The following RCAN2 variants were observed in gnomAD, a reference collection of about 807,000 sequenced individuals.
RCAN2 encodes the protein calcipressin-2.
RCAN2 carries 9 observed loss-of-function variants against 23.6 expected under a neutral mutation model. That is an observed-to-expected ratio of 0.38 (90% confidence interval 0.23 to 0.67). RCAN2 has a LOEUF of 0.67. Ranked by LOEUF, RCAN2 falls within the 30% of genes least tolerant of loss-of-function variation. The probability of loss-of-function intolerance (pLI) is 0.51; values close to 1 mark genes in which losing one functional copy is unlikely to be tolerated. For synonymous variants in RCAN2, 109 were observed against 115.7 expected (o/e 0.94, Z 0.37); for missense variants, 273 against 302.3 (o/e 0.90, Z 0.72).
At chr6:46,476,213 G>C (rs1768709458) in intron 1 of RCAN2, among the ~76,000 whole-genome samples, 1 of 152,164 alleles carries the variant, frequency 6.6e-6, no homozygotes, top group East Asian at 1.9e-4. Context: ...TAGCACAGCA[G>C]AATCAGAACG....
chr6:46,408,437 T>A (rs1375750671), intron 2 of RCAN2, among the ~76,000 whole-genome samples: 1 of 152,178 alleles, frequency 6.6e-6, no homozygotes, highest in African/African-American at 2.4e-5. Context: ...CTTCTCTATA[T>A]TGCAAAAGAA....
At chr6:46,360,216 C>A (rs145982599) in intron 2 of RCAN2, among the ~76,000 whole-genome samples, 1,660 of 152,156 alleles carry the variant, frequency 0.011, 16 homozygotes, top group Non-Finnish European at 0.018. Context: ...ATACCAAGGT[C>A]TTAAGAGACC....
chr6:46,347,699 C>A (rs1290144521), intron 2 of RCAN2, among the ~76,000 whole-genome samples: 2 of 152,152 alleles, frequency 1.3e-5, no homozygotes, highest in African/African-American at 4.8e-5. Flanking sequence ...TTATCAACTA[C>A]ATAAAAATGT....
intron 2 of RCAN2, among the ~76,000 whole-genome samples, chr6:46,313,497 A>AT (rs1763331405): frequency 6.6e-6 from 1 of 152,262 alleles, no homozygotes; most frequent in East Asian, 1.9e-4. Flanking sequence ...CATAGCCTTC[A>AT]ACCTAAATTT....
At chr6:46,364,332 C>T (rs1480058664) in intron 2 of RCAN2, among the ~76,000 whole-genome samples, 1 of 152,082 alleles carries the variant, frequency 6.6e-6, no homozygotes, top group African/African-American at 2.4e-5. Flanking sequence ...TAGATAAAAA[C>T]CCAGACTTGG....
At chr6:46,223,362 C>A in intron 4 of RCAN2, 61 bp from the exon 5 acceptor site, 1 of 1,519,902 alleles carries the variant, frequency 6.6e-7, no homozygotes. Context: ...GATCCTGGAG[C>A]AGGGTCTGCT....
At chr6:46,372,606 C>G (rs1051287079) in intron 2 of RCAN2, among the ~76,000 whole-genome samples, 9 of 152,184 alleles carry the variant, frequency 5.9e-5, no homozygotes, top group Admixed American at 5.9e-4. Flanking sequence ...AGGTGACACA[C>G]ATTATATAAA....
intron 2 of RCAN2, among the ~76,000 whole-genome samples, chr6:46,409,517 T>C (rs1315689678): frequency 6.6e-6 from 1 of 152,082 alleles, no homozygotes; most frequent in Non-Finnish European, 1.5e-5. Context: ...GTCAAGAGAG[T>C]ACAGGCCAAG....
At chr6:46,459,242 C>G (rs1676566125) in intron 1 of RCAN2, among the ~76,000 whole-genome samples, 1 of 152,170 alleles carries the variant, frequency 6.6e-6, no homozygotes, top group South Asian at 2.1e-4. Context: ...CAGCAGCATA[C>G]AAATAGATGC....
chr6:46,328,155 T>C (rs763567759), intron 2 of RCAN2, among the ~76,000 whole-genome samples: 5 of 152,160 alleles, frequency 3.3e-5, no homozygotes, highest in Non-Finnish European at 7.3e-5. Flanking sequence ...AGTTGTAAAA[T>C]AGGCAGTTTT....
At chr6:46,465,976 TCTGA>T (rs1294943785) in intron 1 of RCAN2, among the ~76,000 whole-genome samples, 1 of 152,202 alleles carries the variant, frequency 6.6e-6, no homozygotes, top group African/African-American at 2.4e-5. Context: ...ATTCATCACC[TCTGA>T]CTGCATTTTT....
intron 2 of RCAN2, chr6:46,325,755 T>C (rs2150364362): frequency 8.0e-7 from 1 of 1,245,008 alleles, no homozygotes; most frequent in Non-Finnish European, 1.0e-6. Context: ...CCAAGCCTTT[T>C]ATCTCTAGGC....
intron 2 of RCAN2, among the ~76,000 whole-genome samples, chr6:46,265,594 T>C (rs1171567972): frequency 6.6e-6 from 1 of 152,174 alleles, no homozygotes; most frequent in Admixed American, 6.5e-5. Flanking sequence ...ACCAACTGGT[T>C]GGTCCTCTGA....
intron 2 of RCAN2, among the ~76,000 whole-genome samples, chr6:46,379,224 T>C (rs369382993): frequency 6.6e-6 from 1 of 152,138 alleles, no homozygotes; most frequent in Non-Finnish European, 1.5e-5. Context: ...GGCCCTGCAA[T>C]GTAAGAAACA....
chr6:46,425,498 C>T (rs1477465164), intron 2 of RCAN2, among the ~76,000 whole-genome samples: 1 of 152,188 alleles, frequency 6.6e-6, no homozygotes, highest in Non-Finnish European at 1.5e-5. Context: ...AATTATCAGA[C>T]TATACTTTGG....
intron 4 of RCAN2, among the ~76,000 whole-genome samples, chr6:46,245,713 G>A (rs1766489730): frequency 6.6e-6 from 1 of 152,062 alleles, no homozygotes; most frequent in Non-Finnish European, 1.5e-5. Context: ...GAATCAGTGG[G>A]GGAGCTTTTA....
chr6:46,332,814 GT>G (rs1273805301), intron 2 of RCAN2, among the ~76,000 whole-genome samples: 4 of 152,110 alleles, frequency 2.6e-5, no homozygotes, highest in Non-Finnish European at 5.9e-5. Context: ...AGTCCTTTGG[GT>G]ATATACCCAG....
intron 2 of RCAN2, among the ~76,000 whole-genome samples, chr6:46,313,479 C>G (rs1176650481): frequency 6.6e-6 from 1 of 152,194 alleles, no homozygotes; most frequent in African/African-American, 2.4e-5. Flanking sequence ...TATTGATCAC[C>G]TATATCCCAT....
At chr6:46,282,425 C>T (rs1437648047) in intron 2 of RCAN2, among the ~76,000 whole-genome samples, 2 of 151,760 alleles carry the variant, frequency 1.3e-5, no homozygotes, top group Non-Finnish European at 2.9e-5. Flanking sequence ...TGGCTGGTGC[C>T]AAGATCGTGC....
Sources: gnomAD v4.1 joint callset for allele counts (sites outside exome capture counted in the v4.1 genomes callset) on GRCh38, gnomAD v4.1.1 for gene constraint, MANE v1.5 for transcripts, NCBI Gene and HGNC (gene_info 2026-07-23, HGNC 2026-07-21) for gene names.